KDM5C: variants seen among roughly 807,000 people sequenced by gnomAD.
KDM5C encodes the protein lysine demethylase 5C.
A neutral mutation model predicts 110.6 loss-of-function variants in KDM5C; 16 were observed. The ratio of observed to expected loss-of-function variants is 0.14; its 90% CI spans 0.10 to 0.22. The LOEUF (loss-of-function observed/expected upper bound fraction) is 0.22, where lower values mean the gene tolerates loss of function less well. KDM5C is among the 10% of genes least tolerant of loss of function. KDM5C has a pLI of 1.00. For synonymous variants in KDM5C, 511 were observed against 520.4 expected, an observed-to-expected ratio of 0.98 and a Z score of 0.24; for missense variants, 681 against 1,300.9, an observed-to-expected ratio of 0.52 and a Z score of 7.33.
rs1556851501 is a variant in KDM5C at position 53,215,808 on chromosome X, C to T, written c.950G>A (p.Ser317Asn). The T allele has an allele frequency of 8.3e-7, 1 of 1,209,654 alleles. No homozygotes were observed. The highest frequency in any genetic ancestry group is 1.1e-6 in the Non-Finnish European group (1 of 894,896). ...KMTMRLRRNHSNAQFIESYVC... is the reference protein window; with the variant it reads ...KMTMRLRRNHNNAQFIESYVC... Reference sequence around the variant, plus strand: ...CTGGGTCCTTACAAACTGGGCATTGCTGTGGTTCCTCCGTAGCCTCATGGT... The same window carrying T: ...CTGGGTCCTTACAAACTGGGCATTGTTGTGGTTCCTCCGTAGCCTCATGGT... Residue 317 changes from serine (S) to asparagine (N), a missense_variant, in exon 7 of 26, where the codon AGC becomes AAC. This residue lies in a region of KDM5C where 71 missense variants were observed against 115.0 expected (regional missense o/e 0.62). Transcript: ENST00000375401.
chrX:53,215,773 G>C (rs1669837546), intron 7 of KDM5C, 22 bp downstream of exon 7: 1 of 1,200,660 alleles, frequency 8.3e-7, no homozygotes, highest in Admixed American at 2.2e-5. Flanking sequence ...AGAGCATTAA[G>C]AAGTCAGGGC....
intron 12 of KDM5C, among the ~76,000 whole-genome samples, chrX:53,207,620 T>C (rs2073384678): frequency 8.9e-6 from 1 of 112,162 alleles, no homozygotes; most frequent in African/African-American, 3.2e-5. Flanking sequence ...AACTTTCTGT[T>C]TTCCATCTTC....
chrX:53,185,699 G>C (rs1934198387), intron 25 of KDM5C, among the ~76,000 whole-genome samples: 1 of 111,853 alleles, frequency 8.9e-6, no homozygotes, highest in African/African-American at 3.3e-5. Context: ...AATCAGGTTT[G>C]ACCTGTGGAG....
At chrX:53,181,753 T>C (rs1556826054) in intron 25 of KDM5C, among the ~76,000 whole-genome samples, 1 of 105,223 alleles carries the variant, frequency 9.5e-6, no homozygotes, top group African/African-American at 3.5e-5. Context: ...CTATGGATGA[T>C]AGATCGGGAA....
rs782283226 is a variant in KDM5C at position 53,198,620 on chromosome X, C to T, written c.2386G>A (p.Ala796Thr). 1.3e-5 allele frequency: 16 copies of T among 1,210,384 alleles called. No homozygotes were observed. Among genetic ancestry groups the T allele is most frequent in the Non-Finnish European group, 1.8e-5 (16 of 895,320 alleles). The part of the protein sequence containing the change: ...GRKRSLEELR[A>T]LESEARERRF... ...CGCTCACGGGCTTCAGACTCTAGTG[C>T]CCTCAGTTCTTCAAGGCCTGGAAGA... Residue 796 changes from alanine to threonine, a missense_variant, in exon 17 of 26, where the codon GCA becomes ACA. This residue lies in a region of KDM5C where 123 missense variants were observed against 169.0 expected (regional missense o/e 0.73). Transcript: ENST00000375401.
At chrX:53,199,661 C>G (rs1296312726) in intron 14 of KDM5C, among the ~76,000 whole-genome samples, 7 of 111,888 alleles carry the variant, frequency 6.3e-5, no homozygotes, top group Non-Finnish European at 7.5e-5. Context: ...TGCTTGTGTT[C>G]AGGGTTTAAA....
chrX:53,215,704 G>T, intron 7 of KDM5C, 91 bp downstream of exon 7: 1 of 1,007,556 alleles, frequency 9.9e-7, no homozygotes, highest in Non-Finnish European at 1.4e-6. Context: ...CCGCTTTTGT[G>T]GTTAATGCGA....
At chrX:53,190,829 T>C (rs1556829967), downstream of KDM5C, among the ~76,000 whole-genome samples, 1 of 111,523 alleles carries the variant, frequency 9.0e-6, no homozygotes, top group Non-Finnish European at 1.9e-5. Context: ...GAAGGGGGAA[T>C]GAAACCCATG....
chrX:53,218,777 G>T (rs187345320), intron 2 of KDM5C: 7 of 279,694 alleles, frequency 2.5e-5, no homozygotes, highest in Admixed American at 1.6e-4. Context: ...GTTTCACCAT[G>T]TTACCAGGCT....
At chrX:53,218,454 T>C in intron 2 of KDM5C, 56 bp from the exon 3 acceptor site, 1 of 1,176,710 alleles carries the variant, frequency 8.5e-7, no homozygotes, top group Non-Finnish European at 1.2e-6. Flanking sequence ...ACCACTATCT[T>C]TGGGTCCAGT....
chrX:53,176,813 CTA>C (rs1933896865), intron 25 of KDM5C, among the ~76,000 whole-genome samples: 1 of 111,842 alleles, frequency 8.9e-6, no homozygotes, highest in African/African-American at 3.3e-5. Context: ...CTGTACGACT[CTA>C]TGATGTTAAT....
chrX:53,195,160 T>C lies in KDM5C; in HGVS notation c.3300+71A>G. ...TGGTGCCCCTACAAAACCCATGTTA[T>C]CTCATGAGCCATCTCACAGAAGCCA... On this transcript the variant is annotated intron_variant, in intron 21 of 25. Coordinates refer to ENST00000375401, the MANE Select transcript of KDM5C (RefSeq NM_004187.5). The C allele has an allele frequency of 8.5e-7, 1 of 1,172,645 alleles. No homozygotes were observed. Among genetic ancestry groups the C allele is most frequent in the Non-Finnish European group, 1.1e-6 (1 of 870,443 alleles).
At position 53,215,979 on chromosome X, in the gene KDM5C, G is replaced by A. The variant is rs1556851646; in HGVS notation, c.782-3C>T. The A allele has an allele frequency of 8.3e-7, 1 of 1,210,112 alleles. No individual in the cohort carries two copies. Among genetic ancestry groups the A allele is most frequent in the Non-Finnish European group, 1.1e-6 (1 of 895,070 alleles). ...GGGACACTCAGGCCCCTCCTTATCT[G>A]GGAGAGAGAAAAATGGCTGTAAACA... is the stretch of plus-strand genomic sequence containing the variant. On this transcript the variant is annotated splice_region_variant and splice_polypyrimidine_tract_variant and intron_variant, in intron 6 of 25. Transcript: ENST00000375401.
downstream of KDM5C, among the ~76,000 whole-genome samples, chrX:53,187,782 C>T (rs1318061919): frequency 4.9e-5 from 5 of 103,043 alleles, no homozygotes; most frequent in East Asian, 3.0e-4. Flanking sequence ...TTTTTTGAGA[C>T]GGAGTCTTGC....
chrX:53,198,805 T>C lies in KDM5C; in HGVS notation c.2327A>G (p.Lys776Arg). The C allele has an allele frequency of 8.2e-7, 1 of 1,212,148 alleles. No homozygotes were observed. The highest frequency in any genetic ancestry group is 1.7e-5 in the African/African-American group (1 of 57,918). Residue 776 changes from lysine (K) to arginine (R), a missense_variant, in exon 16 of 26, where the codon AAA becomes AGA. Physicochemically the swap from Lys to Arg is conservative, Grantham distance 26. Transcript: ENST00000375401. Reference sequence around the variant, plus strand: ...CTCCACCTCCAGGGCCACTCGCACTTTGTTGGCCCAGGTGTCAAAGGACTC... The same window carrying C: ...CTCCACCTCCAGGGCCACTCGCACTCTGTTGGCCCAGGTGTCAAAGGACTC... ...RAESFDTWAN[K>R]VRVALEVEDG...
chrX:53,214,905 A>G, intron 7 of KDM5C, 58 bp from the exon 8 acceptor site: 1 of 1,143,507 alleles, frequency 8.7e-7, no homozygotes, highest in South Asian at 1.9e-5. Flanking sequence ...TTGCTGGCTG[A>G]ATGATTTACA....
Position 53,222,199 on chromosome X carries a change from G to A in KDM5C, c.151-1283C>T, listed in dbSNP as rs781918584. ...ATACATGCATACACGTGGGCGGGGG[G>A]GAGAGACAGTGAAAGAGAAGAAAAA... is the stretch of plus-strand genomic sequence containing the variant. On this transcript the variant is annotated intron_variant, in intron 1 of 25. Transcript: ENST00000375401. 7.3e-5 allele frequency among the ~76,000 whole-genome samples: 8 copies of A among 109,903 alleles called. No individual in the cohort carries two copies. In the South Asian group the frequency reaches 3.2e-3, roughly 44 times the overall value.
At chrX:53,217,694 A>G in intron 4 of KDM5C, 102 bp downstream of exon 4, 1 of 904,838 alleles carries the variant, frequency 1.1e-6, no homozygotes, top group Non-Finnish European at 1.6e-6. Flanking sequence ...GCAGAGTCCA[A>G]CTCCCAGGTC....
At chrX:53,222,804 C>A (rs781813280) in intron 1 of KDM5C, among the ~76,000 whole-genome samples, 7 of 111,664 alleles carry the variant, frequency 6.3e-5, no homozygotes, top group Non-Finnish European at 1.3e-4. Flanking sequence ...CTTTCCCAAG[C>A]GTAGCAGTCA....
Sources: gnomAD v4.1 joint callset for allele counts (sites outside exome capture counted in the v4.1 genomes callset) on GRCh38, gnomAD v4.1.1 for gene constraint, gnomAD v4.1.1 regional missense constraint, MANE v1.5 for transcripts, NCBI Gene and HGNC (gene_info 2026-07-23, HGNC 2026-07-21) for gene names.